The following HPSE2 variants were observed in gnomAD, a reference collection of about 807,000 sequenced individuals.
HPSE2 encodes the protein inactive heparanase-2.
In HPSE2, 38 loss-of-function variants were observed where a neutral mutation model predicts 60.5. That is an observed-to-expected ratio of 0.63 (90% CI 0.48 to 0.82). The LOEUF (loss-of-function observed/expected upper bound fraction) is 0.82, where lower values mean the gene tolerates loss of function less well. Among genes scored for constraint, HPSE2 ranks in the 40% least tolerant of loss-of-function variants. HPSE2 has a pLI of 0.00. For missense variants in HPSE2, 713 were observed against 740.4 expected, an observed-to-expected ratio of 0.96 and a Z score of 0.43; for synonymous variants, 295 against 293.2, an observed-to-expected ratio of 1.01 and a Z score of -0.06.
intron 2 of HPSE2, among the ~76,000 whole-genome samples, chr10:99,218,127 G>A (rs930916123): frequency 9.2e-5 from 14 of 151,830 alleles, no homozygotes; most frequent in Non-Finnish European, 8.8e-5. Flanking sequence ...TGCAACAACA[G>A]GGATAAAAAG....
At chr10:98,723,983 T>C in intron 4 of HPSE2, among the ~76,000 whole-genome samples, 1 of 152,228 alleles carries the variant, frequency 6.6e-6, no homozygotes, top group Non-Finnish European at 1.5e-5. Context: ...GCTTTGATCT[T>C]AGTTATTTCT....
At chr10:99,199,870 C>T (rs768557226) in intron 2 of HPSE2, among the ~76,000 whole-genome samples, 6 of 152,160 alleles carry the variant, frequency 3.9e-5, no homozygotes, top group South Asian at 2.1e-4. Context: ...AGATTTCTTT[C>T]GGTAGTATAG....
intron 2 of HPSE2, among the ~76,000 whole-genome samples, chr10:99,176,903 T>C (rs751007892): frequency 2.6e-5 from 4 of 151,968 alleles, no homozygotes; most frequent in Non-Finnish European, 5.9e-5. Flanking sequence ...GGGAAGCCCA[T>C]CAGACTAACA....
chr10:98,713,768 C>T (rs1234236562), intron 5 of HPSE2, among the ~76,000 whole-genome samples: 1 of 151,860 alleles, frequency 6.6e-6, no homozygotes, highest in Non-Finnish European at 1.5e-5. Context: ...TGATATTCTC[C>T]AGAGCATACT....
chr10:98,907,064 T>C (rs529905115), intron 3 of HPSE2, among the ~76,000 whole-genome samples: 1 of 152,342 alleles, frequency 6.6e-6, no homozygotes, highest in East Asian at 1.9e-4. Context: ...TGTGAGGAAG[T>C]CCAATTATTA....
intron 2 of HPSE2, among the ~76,000 whole-genome samples, chr10:99,154,208 T>C (rs1243964817): frequency 2.1e-5 from 3 of 140,490 alleles, no homozygotes; most frequent in African/African-American, 5.1e-5. Context: ...ACTTCCCCAA[T>C]CTAGCAAGGC....
intron 3 of HPSE2, among the ~76,000 whole-genome samples, chr10:98,981,535 A>G (rs1475379688): frequency 6.6e-6 from 1 of 152,160 alleles, no homozygotes; most frequent in African/African-American, 2.4e-5. Context: ...GTTTACAGAC[A>G]GGTTCAAGAA....
chr10:99,057,663 G>C (rs527286990), intron 3 of HPSE2, among the ~76,000 whole-genome samples: 1 of 152,298 alleles, frequency 6.6e-6, no homozygotes, highest in Admixed American at 6.5e-5. Context: ...AGAAGCAGTT[G>C]CTTCCTCAGT....
At chr10:99,276,838 A>T in the HPSE2 span, among the ~76,000 whole-genome samples, 1 of 152,210 alleles carries the variant, frequency 6.6e-6, no homozygotes, top group African/African-American at 2.4e-5. Context: ...TAGGTACTGG[A>T]AAGAATACTG....
chr10:98,730,411 T>C (rs550912995), intron 4 of HPSE2, among the ~76,000 whole-genome samples: 1 of 151,740 alleles, frequency 6.6e-6, no homozygotes, highest in African/African-American at 2.4e-5. Flanking sequence ...AGTTTCCTCC[T>C]TAAGAAAGGA....
At chr10:99,132,216 AGAGAGAGAGAGAG>A (rs1845453817) in intron 3 of HPSE2, among the ~76,000 whole-genome samples, 4 of 29,282 alleles carry the variant, frequency 1.4e-4, no homozygotes, top group African/African-American at 2.3e-4. Flanking sequence ...AGAGAGAGAG[AGAGAGAGAGAGAG>A]AGAGAGAGAG....
At chr10:98,601,415 T>C (rs1041690843) in intron 9 of HPSE2, among the ~76,000 whole-genome samples, 16 of 152,046 alleles carry the variant, frequency 1.1e-4, no homozygotes, top group African/African-American at 3.6e-4. Context: ...TTAATCAGAG[T>C]AGCTGATGGA....
At chr10:99,237,526 C>T (rs1259456165), upstream of HPSE2, among the ~76,000 whole-genome samples, 2 of 152,174 alleles carry the variant, frequency 1.3e-5, no homozygotes, top group Non-Finnish European at 2.9e-5. Context: ...ATGTTGCATT[C>T]ATCTGTGAAG....
At position 98,985,492 on chromosome 10, in the gene HPSE2, C is replaced by T. The variant is rs563230828; in HGVS notation, c.610+158746G>A. 5.7e-3 allele frequency among the ~76,000 whole-genome samples: 872 copies of T among 152,250 alleles called. 9 individuals carry two copies. Among genetic ancestry groups the T allele is most frequent in the African/African-American group, 0.02 (829 of 41,524 alleles). On this transcript the variant is annotated intron_variant, in intron 3 of 11. Transcript: ENST00000370552. ...GCCCTAAAACAGCTCCTGAAGGAAG[C>T]ACTAAACATGGAAAGGAACAACCAG...
chr10:98,867,815 T>C (rs1018155239), intron 3 of HPSE2, among the ~76,000 whole-genome samples: 1 of 152,090 alleles, frequency 6.6e-6, no homozygotes, highest in Non-Finnish European at 1.5e-5. Context: ...ATCCCAGCAC[T>C]TTGGGAGGCC....
At chr10:99,029,948 C>G (rs1173414204) in intron 3 of HPSE2, among the ~76,000 whole-genome samples, 1 of 152,198 alleles carries the variant, frequency 6.6e-6, no homozygotes, top group South Asian at 2.1e-4. Flanking sequence ...AGACCACGGT[C>G]TGCCTGGCAA....
chr10:99,208,988 C>T (rs920969057), intron 2 of HPSE2, among the ~76,000 whole-genome samples: 1 of 152,052 alleles, frequency 6.6e-6, no homozygotes, highest in Non-Finnish European at 1.5e-5. Flanking sequence ...CATTGCAGCA[C>T]CTAAATATAT....
intron 2 of HPSE2, among the ~76,000 whole-genome samples, chr10:99,209,636 A>G (rs113960220): frequency 0.029 from 4,397 of 152,314 alleles, 164 homozygotes; most frequent in African/African-American, 0.082. Context: ...TCAGAGCAGA[A>G]ATAATAAAAT....
intron 3 of HPSE2, among the ~76,000 whole-genome samples, chr10:98,807,424 TA>T (rs1272156317): frequency 1.1e-4 from 16 of 152,232 alleles, no homozygotes; most frequent in African/African-American, 3.9e-4. Flanking sequence ...TCCAAATTGG[TA>T]TGAAACTTTT....
Sources: gnomAD v4.1 joint callset for allele counts (sites outside exome capture counted in the v4.1 genomes callset) on GRCh38, gnomAD v4.1.1 for gene constraint, MANE v1.5 for transcripts, NCBI Gene and HGNC (gene_info 2026-07-23, HGNC 2026-07-21) for gene names.